RBCK1: variants seen among roughly 807,000 people sequenced by gnomAD.
The protein encoded by RBCK1 is RANBP2-type and C3HC4-type zinc finger containing 1.
Under a neutral mutation model 71.1 loss-of-function variants are expected in RBCK1, and 44 were observed. The ratio of observed to expected loss-of-function variants is 0.62; its 90% CI spans 0.49 to 0.80. RBCK1 has a LOEUF of 0.80. Ranked by LOEUF, RBCK1 falls within the 30% of genes least tolerant of loss-of-function variation. RBCK1 has a pLI of 0.00. For missense variants in RBCK1, 569 were observed against 685.0 expected, an observed-to-expected ratio of 0.83 and a Z score of 1.89; for synonymous variants, 306 against 279.7, an observed-to-expected ratio of 1.09 and a Z score of -0.94.
At chr20:419,831 G>A in intron 6 of RBCK1, 100 bp downstream of exon 6, 1 of 1,453,376 alleles carries the variant, frequency 6.9e-7, no homozygotes, top group Non-Finnish European at 9.1e-7. Flanking sequence ...CTCCGTTACT[G>A]CCTTGCCCCT....
chr20:422,156 G>A lies in RBCK1; in HGVS notation c.947G>A (p.Ser316Asn), dbSNP rs764675755. 3 of 1,612,790 alleles carry A rather than the reference G, an allele frequency of 1.9e-6. No homozygotes were observed. Among genetic ancestry groups the A allele is most frequent in the Non-Finnish European group, 1.7e-6 (2 of 1,179,888 alleles). Residue 316 changes from serine to asparagine, a missense_variant, in exon 8 of 12, where the codon AGC becomes AAC. Around this residue, in one of 2 missense-constraint regions of RBCK1, gnomAD observed 211 missense variants for 309.4 expected, o/e 0.68. Coordinates refer to ENST00000356286, the MANE Select transcript of RBCK1 (RefSeq NM_031229.4). This position sits in a 1 kb window ranked among gnomAD's most constrained non-coding sequence, Gnocchi z 5.0. ...RECLQGTIRNSQEAEVSCPFI... is the reference protein window; with the variant it reads ...RECLQGTIRNNQEAEVSCPFI... ...TGCCTGCAGGGCACCATCCGCAACA[G>A]CCAGGAGGCGGAGGTCTCCTGCCCC...
rs1373156428 is a variant in RBCK1 at position 417,292 on chromosome 20, G to T, written c.168-234G>T. The T allele has an allele frequency of 1.4e-6, 1 of 701,772 alleles. No homozygotes were observed. The allele number at this position is 701,772 out of a possible 1,614,324, so 43.5% of individuals were successfully genotyped here. ...CAGATCATGGAGGCCCTCGTGTGCT[G>T]CCACGAGTTGATTCTAAGAGTAGCG... On this transcript the variant is annotated intron_variant, in intron 2 of 11. Transcript: ENST00000356286. The surrounding 1 kb of genome is among the most constrained non-coding windows in gnomAD (Gnocchi z 4.7).
At position 430,228 on chromosome 20, in the gene RBCK1, C is replaced by A; in HGVS notation, c.1453-122C>A. 1 of 826,410 alleles carries A rather than the reference C, an allele frequency of 1.2e-6. No individual in the cohort carries two copies. Among genetic ancestry groups the A allele is most frequent in the Non-Finnish European group, 1.9e-6 (1 of 512,976 alleles). The allele number at this position is 826,410 out of a possible 1,614,324, so 51.2% of individuals were successfully genotyped here. A position where few individuals can be genotyped will look rare whatever the true frequency, so the allele number is the denominator to read the frequency against. ...GTGACTCTCCATCAGGTAGCTGAGG[C>A]TGACCAGGCCATTCTTGCAGGAGGA... On this transcript the variant is annotated intron_variant, in intron 11 of 11. Coordinates refer to ENST00000356286, the MANE Select transcript of RBCK1 (RefSeq NM_031229.4). The surrounding 1 kb of genome is among the most constrained non-coding windows in gnomAD (Gnocchi z 5.6).
intron 8 of RBCK1, among the ~76,000 whole-genome samples, chr20:425,841 A>G (rs987413711): frequency 2.6e-5 from 4 of 151,986 alleles, no homozygotes; most frequent in Non-Finnish European, 5.9e-5. Flanking sequence ...TGGCCAAGCT[A>G]GTCTTAAACT....
chr20:422,148 C>T lies in RBCK1; in HGVS notation c.939C>T (p.Ile313=), dbSNP rs1443039135. 6.2e-7 allele frequency: 1 copy of T among 1,612,444 alleles called. No homozygotes were observed. The highest frequency in any genetic ancestry group is 1.3e-5 in the African/African-American group (1 of 74,848). Residue 313 remains isoleucine (I), a synonymous_variant, in exon 8 of 12, where the codon ATC becomes ATT. Coordinates refer to ENST00000356286, the MANE Select transcript of RBCK1 (RefSeq NM_031229.4). The surrounding 1 kb of genome is among the most constrained non-coding windows in gnomAD (Gnocchi z 5.0). ...TFCRECLQGT[I]RNSQEAEVSC... ...CTAGGGAGTGCCTGCAGGGCACCAT[C>T]CGCAACAGCCAGGAGGCGGAGGTCT...
At chr20:413,355 G>A (rs2015812636) in intron 2 of RBCK1, among the ~76,000 whole-genome samples, 1 of 151,704 alleles carries the variant, frequency 6.6e-6, no homozygotes, top group Non-Finnish European at 1.5e-5. Context: ...GGATTTCATT[G>A]AATCTGTAGA....
intron 2 of RBCK1, among the ~76,000 whole-genome samples, chr20:411,277 C>T (rs111269618): frequency 0.048 from 7,243 of 152,128 alleles, 187 homozygotes; most frequent in African/African-American, 0.064. Context: ...CATCATCGCT[C>T]ACTACAGCCT....
At chr20:426,066 ATTTTTAT>A (rs895451681) in intron 8 of RBCK1, among the ~76,000 whole-genome samples, 2 of 152,082 alleles carry the variant, frequency 1.3e-5, no homozygotes, top group East Asian at 1.9e-4. Flanking sequence ...AGTTTGTTTA[ATTTTTAT>A]TTTTTATTTT....
Position 422,376 on chromosome 20 carries a change from C to A in RBCK1, c.1029+138C>A. 1 of 699,150 alleles carries A rather than the reference C, an allele frequency of 1.4e-6. No individual in the cohort carries two copies. The highest frequency in any genetic ancestry group is 2.4e-6 in the Non-Finnish European group (1 of 408,214). The allele number at this position is 699,150 out of a possible 1,614,324, so 43.3% of individuals were successfully genotyped here. A position where few individuals can be genotyped will look rare whatever the true frequency, so the allele number is the denominator to read the frequency against. On this transcript the variant is annotated intron_variant, in intron 8 of 11. Coordinates refer to ENST00000356286, the MANE Select transcript of RBCK1 (RefSeq NM_031229.4). This position sits in a 1 kb window ranked among gnomAD's most constrained non-coding sequence, Gnocchi z 5.0. ...CTCACTATGTTGTCCAAGCTGGTCTCAAACTCCTGGGCTTAAGCGATCATT... is the reference window on the plus strand; with the variant it reads ...CTCACTATGTTGTCCAAGCTGGTCTAAAACTCCTGGGCTTAAGCGATCATT...
At chr20:415,259 C>T (rs1352510144) in intron 2 of RBCK1, among the ~76,000 whole-genome samples, 1 of 151,854 alleles carries the variant, frequency 6.6e-6, no homozygotes, top group Non-Finnish European at 1.5e-5. Context: ...TCCCAGCTAC[C>T]CAGGAGGCTG....
chr20:410,340 A>T, intron 2 of RBCK1: 1 of 742,352 alleles, frequency 1.3e-6, no homozygotes, highest in Non-Finnish European at 2.5e-6. Context: ...GAGTCCAGAT[A>T]GGGAGGTTCT....
At chr20:420,240 C>T (rs1252353858) in intron 6 of RBCK1, 8 of 985,092 alleles carry the variant, frequency 8.1e-6, no homozygotes, top group East Asian at 1.1e-4. Context: ...CCTCGCTGCG[C>T]CCTAGGGGGA....
intron 2 of RBCK1, among the ~76,000 whole-genome samples, chr20:412,702 C>T (rs1464468585): frequency 1.3e-5 from 2 of 152,218 alleles, no homozygotes; most frequent in Non-Finnish European, 2.9e-5. Context: ...TTATCAGCTA[C>T]ATGATTTGCA....
intron 11 of RBCK1, among the ~76,000 whole-genome samples, 167 bp downstream of exon 11, chr20:429,261 T>A (rs2016898390): frequency 6.6e-6 from 1 of 152,018 alleles, no homozygotes. Context: ...AGTTTCACTC[T>A]TGTTGCCCAG....
At chr20:421,092 G>A (rs777448406) in intron 7 of RBCK1, 61 bp downstream of exon 7, 58 of 1,471,776 alleles carry the variant, frequency 3.9e-5, no homozygotes, top group Middle Eastern at 2.4e-4. Flanking sequence ...ATTACGCAGG[G>A]CTGGACGTGG....
rs2016961444 is a variant in RBCK1 at position 430,446 on chromosome 20, G to A, written c.*16G>A. 1 of 1,592,862 alleles carries A rather than the reference G, an allele frequency of 6.3e-7. No individual in the cohort carries two copies. The highest frequency in any genetic ancestry group is 8.6e-7 in the Non-Finnish European group (1 of 1,160,746). ...CTGCCACTGAGCTAAAGATGGTGGGGCCACATGCTGACCCAGCCCCACATC... is the reference window on the plus strand; with the variant it reads ...CTGCCACTGAGCTAAAGATGGTGGGACCACATGCTGACCCAGCCCCACATC... On this transcript the variant is annotated 3_prime_UTR_variant, in exon 12 of 12. Transcript: ENST00000356286. This position sits in a 1 kb window ranked among gnomAD's most constrained non-coding sequence, Gnocchi z 5.6.
intron 8 of RBCK1, among the ~76,000 whole-genome samples, chr20:424,413 A>AC (rs3838059): frequency 0.49 from 74,537 of 151,906 alleles, 19,442 homozygotes; most frequent in Middle Eastern, 0.6. Flanking sequence ...AAACACATAC[A>AC]CAGACCTCCT....
Position 431,433 on chromosome 20 carries a change from C to T in RBCK1, c.*1003C>T, listed in dbSNP as rs1024251410. ...TTACTAGAACCCACTCTGTGCTGGT[C>T]GGAGGTTACTAAGACAGGGTCCTGG... On this transcript the variant is annotated 3_prime_UTR_variant, in exon 12 of 12. Coordinates refer to ENST00000356286, the MANE Select transcript of RBCK1 (RefSeq NM_031229.4). The surrounding 1 kb of genome is among the most constrained non-coding windows in gnomAD (Gnocchi z 4.8). Among the ~76,000 whole-genome samples, 2 of 152,180 alleles carry T rather than the reference C, an allele frequency of 1.3e-5. No individual in the cohort carries two copies. Among genetic ancestry groups the T allele is most frequent in the African/African-American group, 2.4e-5 (1 of 41,440 alleles).
Position 417,235 on chromosome 20 carries a change from GAC to G in RBCK1, c.168-289_168-288del. 1 of 620,920 alleles carries G rather than the reference GAC, an allele frequency of 1.6e-6. No individual in the cohort carries two copies. The highest frequency in any genetic ancestry group is 3.1e-6 in the Non-Finnish European group (1 of 320,762). 38.5% of individuals were successfully genotyped at this position (620,920 alleles called of 1,614,324 possible). A position where few individuals can be genotyped will look rare whatever the true frequency, so the allele number is the denominator to read the frequency against. On this transcript the variant is annotated intron_variant, in intron 2 of 11. Coordinates refer to ENST00000356286, the MANE Select transcript of RBCK1 (RefSeq NM_031229.4). The surrounding 1 kb of genome is among the most constrained non-coding windows in gnomAD (Gnocchi z 4.7). Reference sequence around the variant, plus strand: ...TTTCACTAAGGAGCAGGGGAGAGAAGACAGAAGAGGTTGGAGAGGTCAGGGAG... The same window carrying G: ...TTTCACTAAGGAGCAGGGGAGAGAAGAGAAGAGGTTGGAGAGGTCAGGGAG...
Sources: allele counts gnomAD v4.1 joint callset (sites outside exome capture counted in the v4.1 genomes callset), GRCh38; gene constraint gnomAD v4.1.1; regional missense constraint gnomAD v4.1.1; non-coding constraint Gnocchi (gnomAD v3.1); transcripts MANE v1.5; gene names NCBI Gene and HGNC (gene_info 2026-07-23, HGNC 2026-07-21).